The following CASP6 variants were observed in gnomAD, a reference collection of about 807,000 sequenced individuals.
CASP6 encodes caspase 6.
Under a neutral mutation model 31.8 loss-of-function variants are expected in CASP6, and 20 were observed. That is an observed-to-expected ratio of 0.63 (90% confidence interval 0.44 to 0.91). CASP6 has a LOEUF of 0.91. Ranked by LOEUF, CASP6 falls within the 40% of genes least tolerant of loss-of-function variation. The pLI, the probability that CASP6 is intolerant of heterozygous loss-of-function variation, is 0.00. For missense variants in CASP6, 328 were observed against 361.1 expected, an observed-to-expected ratio of 0.91 and a Z score of 0.74; for synonymous variants, 130 against 127.8, an observed-to-expected ratio of 1.02 and a Z score of -0.12.
At chr4:109,690,463 A>G (rs1019885413) in intron 6 of CASP6, among the ~76,000 whole-genome samples, 2 of 151,920 alleles carry the variant, frequency 1.3e-5, no homozygotes, top group Non-Finnish European at 2.9e-5. Flanking sequence ...TTGAGGCTGC[A>G]GTGAGCCATG....
In CASP6 at chr4:109,694,567, C is replaced by G. The variant is rs751368796; in HGVS notation, c.441G>C (p.Lys147Asn). ...QTLTGLFKGD[K>N]CHSLVGKPKI... ...TGGGTTTTCCAACCAGGCTGTGACA[C>G]TTGTCTCCTTTGAACAAGCCAGTTA... Residue 147 changes from lysine (K) to asparagine (N), a missense_variant, in exon 5 of 7, where the codon AAG (lysine) becomes AAC (asparagine). Coordinates refer to ENST00000265164, the MANE Select transcript of CASP6 (RefSeq NM_001226.4). 6.2e-7 allele frequency: 1 copy of G among 1,609,592 alleles called. No homozygotes were observed.
chr4:109,707,147 T>C (rs912391459), upstream of CASP6, among the ~76,000 whole-genome samples: 3 of 152,198 alleles, frequency 2.0e-5, no homozygotes, highest in Non-Finnish European at 4.4e-5. Context: ...GACTACACTT[T>C]AGTATGAAAA....
the CASP6 span, among the ~76,000 whole-genome samples, chr4:109,668,949 C>G: frequency 1.3e-5 from 2 of 151,976 alleles, no homozygotes; most frequent in Non-Finnish European, 2.9e-5. Flanking sequence ...CCCTCATGCC[C>G]CTTGTCTCAC....
chr4:109,682,696 T>C, the CASP6 span: 6 of 1,613,652 alleles, frequency 3.7e-6, no homozygotes, highest in East Asian at 6.7e-5. Context: ...CACCATTTAC[T>C]GGAGAAAATT....
At chr4:109,691,315 A>G (rs1279809295) in intron 5 of CASP6, among the ~76,000 whole-genome samples, 1 of 152,200 alleles carries the variant, frequency 6.6e-6, no homozygotes, top group Non-Finnish European at 1.5e-5. Flanking sequence ...TTACAGATTA[A>G]CCACACCCAG....
downstream of CASP6, chr4:109,687,521 GA>G (rs769291159): frequency 6.2e-7 from 1 of 1,610,508 alleles, no homozygotes; most frequent in Non-Finnish European, 8.5e-7. Flanking sequence ...ACAGGCTAAA[GA>G]ATCCCTGAAA....
upstream of CASP6, among the ~76,000 whole-genome samples, chr4:109,706,514 G>C (rs1339502033): frequency 6.6e-6 from 1 of 152,064 alleles, no homozygotes; most frequent in Admixed American, 6.6e-5. Flanking sequence ...AAGGATTCAG[G>C]GTATTAGTTG....
At chr4:109,703,462 C>G, upstream of CASP6, 1 of 1,567,302 alleles carries the variant, frequency 6.4e-7, no homozygotes, top group Non-Finnish European at 8.7e-7. Flanking sequence ...CCGGGCCCGG[C>G]CCCGCCCTCG....
chr4:109,665,552 C>T, the CASP6 span, among the ~76,000 whole-genome samples: 1 of 152,146 alleles, frequency 6.6e-6, no homozygotes, highest in Non-Finnish European at 1.5e-5. Context: ...GTTATATTTG[C>T]ATTTAACCTC....
At chr4:109,669,134 TG>T in the CASP6 span, among the ~76,000 whole-genome samples, 2 of 152,192 alleles carry the variant, frequency 1.3e-5, no homozygotes, top group African/African-American at 4.8e-5. Flanking sequence ...TCTTTCTTTC[TG>T]TAGAGCTAAA....
the CASP6 span, among the ~76,000 whole-genome samples, chr4:109,709,598 A>G: frequency 6.6e-6 from 1 of 152,212 alleles, no homozygotes; most frequent in Non-Finnish European, 1.5e-5. Context: ...GAAATGTGCC[A>G]AAAGATTTTA....
the CASP6 span, among the ~76,000 whole-genome samples, chr4:109,677,472 C>G: frequency 6.6e-6 from 1 of 152,130 alleles, no homozygotes; most frequent in African/African-American, 2.4e-5. Flanking sequence ...GGGGCCGGGG[C>G]AGAATGCTAT....
the CASP6 span, chr4:109,682,504 G>A: frequency 8.6e-7 from 1 of 1,163,770 alleles, no homozygotes. Flanking sequence ...TTTGGAAAGA[G>A]AATTGGGGAC....
upstream of CASP6, among the ~76,000 whole-genome samples, chr4:109,705,611 C>T (rs559054128): frequency 1.3e-5 from 2 of 152,088 alleles, no homozygotes; most frequent in Admixed American, 1.3e-4. Context: ...ATTTGTGATT[C>T]ATGGGAGGTC....
chr4:109,703,825 T>C (rs1353981691), upstream of CASP6, among the ~76,000 whole-genome samples: 1 of 152,216 alleles, frequency 6.6e-6, no homozygotes, highest in Non-Finnish European at 1.5e-5. Flanking sequence ...CTGTACTTTC[T>C]AGAGGTACAG....
downstream of CASP6, chr4:109,687,789 T>C: frequency 5.4e-6 from 3 of 559,940 alleles, no homozygotes; most frequent in Admixed American, 6.9e-5. Flanking sequence ...AGAAAGGGCT[T>C]GTATGCGTCT....
chr4:109,674,065 A>G, the CASP6 span: 54 of 1,422,380 alleles, frequency 3.8e-5, no homozygotes, highest in South Asian at 5.3e-4. Flanking sequence ...TGTAGGAGCA[A>G]TGACTGTTGG....
intron 4 of CASP6, among the ~76,000 whole-genome samples, chr4:109,695,194 C>T (rs994832093): frequency 5.3e-5 from 8 of 151,934 alleles, no homozygotes; most frequent in African/African-American, 1.5e-4. Context: ...AACAATATAC[C>T]GTACTGTATC....
the CASP6 span, among the ~76,000 whole-genome samples, chr4:109,675,760 T>A: frequency 0.11 from 17,277 of 152,224 alleles, 1,023 homozygotes; most frequent in Non-Finnish European, 0.13. Context: ...GGAGAGGTTA[T>A]CTTGGCAGTA....
Sources: allele counts gnomAD v4.1 joint callset (sites outside exome capture counted in the v4.1 genomes callset), GRCh38; gene constraint gnomAD v4.1.1; transcripts MANE v1.5; gene names NCBI Gene and HGNC (gene_info 2026-07-23, HGNC 2026-07-21).